EYA2: variants seen among roughly 807,000 people sequenced by gnomAD.
The protein encoded by EYA2 is EYA transcriptional coactivator and phosphatase 2.
Under a neutral mutation model 69.2 loss-of-function variants are expected in EYA2, and 31 were observed. The ratio of observed to expected loss-of-function variants is 0.45; its 90% CI spans 0.34 to 0.60. The LOEUF is 0.60. Among genes scored for constraint, EYA2 ranks in the 20% least tolerant of loss-of-function variants. The probability of loss-of-function intolerance (pLI) is 0.02; values close to 1 mark genes in which losing one functional copy is unlikely to be tolerated. For synonymous variants in EYA2, 257 were observed against 279.4 expected (o/e 0.92, Z 0.80); for missense variants, 622 against 701.2 (o/e 0.89, Z 1.28).
Position 47,140,254 on chromosome 20 carries a change from T to C in EYA2, c.889-2805T>C, listed in dbSNP as rs140377315. On this transcript the variant is annotated intron_variant, in intron 9 of 15. Transcript: ENST00000327619. The stretch of plus-strand genomic sequence containing the variant: ...CTCCTAGGCCCTGAGAAGTTTGTTT[T>C]CCTCATTTGCTCTTCATTTTTCACT... Among the ~76,000 whole-genome samples, 569 of 152,284 alleles carry C rather than the reference T, an allele frequency of 3.7e-3. 1 individual carries two copies. The highest frequency in any genetic ancestry group is 0.012 in the African/African-American group (519 of 41,556).
chr20:47,122,737 C>G (rs74587826), intron 9 of EYA2, among the ~76,000 whole-genome samples: 4,958 of 152,176 alleles, frequency 0.033, 267 homozygotes, highest in African/African-American at 0.11. Flanking sequence ...TGCTCCCTCC[C>G]CACTCCCCCA....
chr20:47,092,632 T>C (rs2032119784), intron 8 of EYA2, among the ~76,000 whole-genome samples: 1 of 152,176 alleles, frequency 6.6e-6, no homozygotes. Flanking sequence ...GAGAGATTTT[T>C]CCATTAAACT....
intron 1 of EYA2, among the ~76,000 whole-genome samples, chr20:46,961,387 G>T (rs1979470194): frequency 6.6e-6 from 1 of 152,138 alleles, no homozygotes; most frequent in Non-Finnish European, 1.5e-5. Context: ...TGCTGGCAAG[G>T]ATGCTGAGAA....
intron 1 of EYA2, among the ~76,000 whole-genome samples, chr20:46,895,540 C>T (rs554739359): frequency 6.6e-6 from 1 of 152,222 alleles, no homozygotes; most frequent in South Asian, 2.1e-4. Flanking sequence ...CGCTCTGGTT[C>T]AGGTCTGGGG....
intron 1 of EYA2, chr20:46,978,521 C>T (rs1980603120): frequency 1.9e-6 from 1 of 531,628 alleles, no homozygotes; most frequent in South Asian, 1.4e-5. Flanking sequence ...AGAGAAAGGC[C>T]AGCGTGCTGG....
chr20:47,112,912 C>T (rs1021250791), intron 9 of EYA2, among the ~76,000 whole-genome samples: 1 of 109,006 alleles, frequency 9.2e-6, no homozygotes, highest in Non-Finnish European at 1.9e-5. Flanking sequence ...TATTCTGTCA[C>T]CCGGGCTGGA....
At chr20:47,100,148 CAG>C (rs1449165839) in intron 9 of EYA2, among the ~76,000 whole-genome samples, 4 of 152,304 alleles carry the variant, frequency 2.6e-5, no homozygotes, top group Middle Eastern at 3.4e-3. Context: ...AGTATCAAAA[CAG>C]AAATTTTTAA....
chr20:47,181,623 C>T (rs1214962276), intron 14 of EYA2, among the ~76,000 whole-genome samples: 1 of 152,192 alleles, frequency 6.6e-6, no homozygotes, highest in Non-Finnish European at 1.5e-5. Flanking sequence ...ATCCTTCCAC[C>T]TCAGCCCCCA....
intron 1 of EYA2, among the ~76,000 whole-genome samples, chr20:46,974,504 A>G (rs555227065): frequency 2.0e-5 from 3 of 152,266 alleles, no homozygotes; most frequent in African/African-American, 4.8e-5. Context: ...CTGGTGTGGT[A>G]TCTGAAAGCA....
intron 5 of EYA2, among the ~76,000 whole-genome samples, chr20:47,019,225 C>G (rs1364834449): frequency 2.6e-5 from 4 of 152,200 alleles, no homozygotes; most frequent in Non-Finnish European, 4.4e-5. Flanking sequence ...GTCTCCAGCT[C>G]TCTTCTCGCC....
chr20:46,995,941 CTG>C (rs1410007122), intron 2 of EYA2, among the ~76,000 whole-genome samples: 2 of 152,198 alleles, frequency 1.3e-5, no homozygotes, highest in South Asian at 2.1e-4. Context: ...GATGAGAAAA[CTG>C]AGACTCAGAG....
chr20:47,102,405 T>TGGATCC (rs1390933866), intron 9 of EYA2, among the ~76,000 whole-genome samples: 1 of 152,014 alleles, frequency 6.6e-6, no homozygotes, highest in Non-Finnish European at 1.5e-5. Context: ...TCCAGAAGAG[T>TGGATCC]ATGAAGGCCC....
chr20:46,984,891 A>G (rs1300163912), intron 1 of EYA2, among the ~76,000 whole-genome samples: 1 of 152,250 alleles, frequency 6.6e-6, no homozygotes, highest in Non-Finnish European at 1.5e-5. Flanking sequence ...GCAATGCATA[A>G]ATTCAATAGA....
chr20:46,966,391 C>G (rs1023522330), intron 1 of EYA2, among the ~76,000 whole-genome samples: 4 of 152,208 alleles, frequency 2.6e-5, no homozygotes, highest in East Asian at 3.8e-4. Flanking sequence ...CTAGCTACAG[C>G]CTCTGTTCTC....
Position 47,000,314 on chromosome 20 carries a change from G to T in EYA2, c.110-1114G>T, listed in dbSNP as rs73911846. Among the ~76,000 whole-genome samples the T allele has an allele frequency of 3.5e-3, 527 of 152,274 alleles. 1 individual carries two copies. Among genetic ancestry groups the T allele is most frequent in the African/African-American group, 0.012 (490 of 41,550 alleles). On this transcript the variant is annotated intron_variant, in intron 2 of 15. Coordinates refer to ENST00000327619, the MANE Select transcript of EYA2 (RefSeq NM_005244.5). ...AAGTATTTTCATCCTCATTGCACAGGGGGGAGCCCTGAGGCCCAGAGATCT... is the reference window on the plus strand; with the variant it reads ...AAGTATTTTCATCCTCATTGCACAGTGGGGAGCCCTGAGGCCCAGAGATCT...
chr20:47,072,049 C>A (rs531568089), intron 5 of EYA2, 136 bp from the exon 6 acceptor site: 1 of 779,558 alleles, frequency 1.3e-6, no homozygotes, highest in Admixed American at 2.0e-5. Flanking sequence ...GAGGCATTAC[C>A]ACTAGGAACC....
chr20:47,120,456 G>A (rs2033016210), intron 9 of EYA2, among the ~76,000 whole-genome samples: 1 of 152,230 alleles, frequency 6.6e-6, no homozygotes, highest in Non-Finnish European at 1.5e-5. Context: ...TCCTTGGGTA[G>A]TCACGTTTTG....
chr20:47,101,225 C>T (rs1321261979), intron 9 of EYA2, among the ~76,000 whole-genome samples: 1 of 152,198 alleles, frequency 6.6e-6, no homozygotes, highest in Non-Finnish European at 1.5e-5. Flanking sequence ...GCTGGGACAA[C>T]AGGCAAGTGC....
intron 5 of EYA2, among the ~76,000 whole-genome samples, chr20:47,040,139 C>G (rs1027469282): frequency 6.6e-6 from 1 of 152,130 alleles, no homozygotes; most frequent in Admixed American, 6.5e-5. Context: ...CCGCACCTGG[C>G]AAAGATCAAA....
Sources: gnomAD v4.1 joint callset for allele counts (sites outside exome capture counted in the v4.1 genomes callset) on GRCh38, gnomAD v4.1.1 for gene constraint, MANE v1.5 for transcripts, NCBI Gene and HGNC (gene_info 2026-07-23, HGNC 2026-07-21) for gene names.